Variants in PAH observed in about 807,000 individuals in gnomAD.
PAH encodes the protein phenylalanine hydroxylase.
In PAH, 64 loss-of-function variants were observed where a neutral mutation model predicts 62.0. The observed-to-expected ratio is 1.03, with a 90% CI of 0.84 to 1.27. The LOEUF (loss-of-function observed/expected upper bound fraction) is 1.27, where lower values mean the gene tolerates loss of function less well. Ranked by LOEUF, PAH falls within the 50% of genes most tolerant of loss-of-function variation. PAH has a pLI of 0.00. For missense variants in PAH, 579 were observed against 542.8 expected (o/e 1.07, Z -0.66); for synonymous variants, 195 against 196.2 (o/e 0.99, Z 0.05).
At chr12:102,851,125 C>CTT (rs368141798) in intron 8 of PAH, among the ~76,000 whole-genome samples, 1 of 149,172 alleles carries the variant, frequency 6.7e-6, no homozygotes. Flanking sequence ...AAAAAGAAAG[C>CTT]TTTTTTTTGA....
chr12:102,876,364 C>G (rs1876564014), intron 4 of PAH, among the ~76,000 whole-genome samples: 1 of 152,186 alleles, frequency 6.6e-6, no homozygotes, highest in African/African-American at 2.4e-5. Context: ...CTTCAGGCAC[C>G]ATGAGCTCTC....
upstream of PAH, among the ~76,000 whole-genome samples, chr12:102,918,901 A>G (rs1259367858): frequency 6.6e-6 from 1 of 152,184 alleles, no homozygotes; most frequent in East Asian, 1.9e-4. Flanking sequence ...TACAAACATA[A>G]TTTCATCCCT....
chr12:102,944,655 T>C (rs1010811985), intron 1 of PAH, among the ~76,000 whole-genome samples: 1 of 152,260 alleles, frequency 6.6e-6, no homozygotes, highest in African/African-American at 2.4e-5. Flanking sequence ...ATTCCTTCTC[T>C]ATGTTATCTT....
At chr12:102,938,625 GCT>G (rs1427906191) in intron 1 of PAH, among the ~76,000 whole-genome samples, 1 of 152,126 alleles carries the variant, frequency 6.6e-6, no homozygotes, top group Non-Finnish European at 1.5e-5. Context: ...GCCAGTAGCA[GCT>G]CTGCATTTCT....
At chr12:102,907,237 T>A (rs946607882) in intron 2 of PAH, among the ~76,000 whole-genome samples, 1 of 152,178 alleles carries the variant, frequency 6.6e-6, no homozygotes, top group African/African-American at 2.4e-5. Flanking sequence ...TTTTGCCCCC[T>A]CACCCCAAGA....
chr12:102,837,219 T>C lies in PAH; in HGVS notation c.*1956A>G, dbSNP rs1478556007. On this transcript the variant is annotated 3_prime_UTR_variant, in exon 13 of 13. Coordinates refer to ENST00000553106, the MANE Select transcript of PAH (RefSeq NM_000277.3). ...AAGAGCTAAGAACTGAGTAGCACAT[T>C]ACCAAAAATACAAATATTATCTTTC... The C allele has an allele frequency of 1.3e-5, 2 of 152,212 alleles. 1 individual carries two copies. Among genetic ancestry groups the C allele is most frequent in the Non-Finnish European group, 2.9e-5 (2 of 68,022 alleles). The allele number at this position is 152,212 out of a possible 1,614,324, so 9.4% of individuals were successfully genotyped here.
At chr12:102,925,404 T>C (rs1355839339) in intron 1 of PAH, among the ~76,000 whole-genome samples, 1 of 152,192 alleles carries the variant, frequency 6.6e-6, no homozygotes. Context: ...TCAGCAGCCT[T>C]AGACTGCTGA....
At chr12:102,927,284 T>C (rs960786269) in intron 1 of PAH, among the ~76,000 whole-genome samples, 3 of 144,082 alleles carry the variant, frequency 2.1e-5, no homozygotes, top group African/African-American at 8.7e-5. Flanking sequence ...AAAAAAGTTT[T>C]TTTTTTTTTT....
At chr12:102,945,697 G>T (rs1277483601) in intron 1 of PAH, among the ~76,000 whole-genome samples, 1 of 152,150 alleles carries the variant, frequency 6.6e-6, no homozygotes, top group Non-Finnish European at 1.5e-5. Flanking sequence ...CTTCAGAGGA[G>T]TGGGCCCCCT....
chr12:102,889,115 G>A lies in PAH; in HGVS notation c.352+5620C>T, dbSNP rs1877159961. Among the ~76,000 whole-genome samples, 3 of 152,022 alleles carry A rather than the reference G, an allele frequency of 2.0e-5. No individual in the cohort carries two copies. In the South Asian group the frequency reaches 6.2e-4, roughly 32 times the overall value. On this transcript the variant is annotated intron_variant, in intron 3 of 12. Transcript: ENST00000553106. ...TCTCTAAAAATTCTTAACTCTTTGG[G>A]AACCATAGCCCCTTTGAAAAATCTT...
chr12:102,943,432 A>G (rs963156810), intron 1 of PAH, among the ~76,000 whole-genome samples: 1 of 152,162 alleles, frequency 6.6e-6, no homozygotes, highest in African/African-American at 2.4e-5. Context: ...GATGTTGGTG[A>G]GGTTGTGGAG....
intron 6 of PAH, 136 bp from the exon 7 acceptor site, chr12:102,853,086 G>C: frequency 1.1e-6 from 1 of 905,402 alleles, no homozygotes; most frequent in South Asian, 1.4e-5. Flanking sequence ...CTTGGCTTCA[G>C]ATGTCTGCCT....
intron 4 of PAH, among the ~76,000 whole-genome samples, chr12:102,867,591 T>C (rs1876032858): frequency 6.6e-6 from 1 of 152,156 alleles, no homozygotes; most frequent in African/African-American, 2.4e-5. Context: ...TCCAAGCCTT[T>C]CCCAGTAAGC....
At chr12:102,952,968 T>C (rs1879812773), upstream of PAH, among the ~76,000 whole-genome samples, 3 of 152,168 alleles carry the variant, frequency 2.0e-5, no homozygotes, top group Admixed American at 2.0e-4. Context: ...CTTTCTGAAA[T>C]TACCTTGGGT....
At chr12:102,883,015 T>C (rs892865615) in intron 3 of PAH, among the ~76,000 whole-genome samples, 23 of 151,924 alleles carry the variant, frequency 1.5e-4, no homozygotes, top group Non-Finnish European at 2.9e-5. Flanking sequence ...GAACAGAGAT[T>C]GGGATCAGGA....
intron 1 of PAH, among the ~76,000 whole-genome samples, chr12:102,926,400 A>G (rs1878684347): frequency 6.6e-6 from 1 of 152,066 alleles, no homozygotes; most frequent in African/African-American, 2.4e-5. Context: ...AGGAGCATAC[A>G]TAAGCCAGTT....
chr12:102,924,430 A>G (rs907129639), intron 1 of PAH, among the ~76,000 whole-genome samples: 1 of 152,190 alleles, frequency 6.6e-6, no homozygotes, highest in African/African-American at 2.4e-5. Flanking sequence ...AATTTAACAA[A>G]TGGAGATGTT....
intron 11 of PAH, among the ~76,000 whole-genome samples, chr12:102,841,502 C>T (rs1430045172): frequency 3.3e-5 from 5 of 152,116 alleles, no homozygotes; most frequent in African/African-American, 4.8e-5. Flanking sequence ...GGGGACCACT[C>T]TTCTGTACCC....
At chr12:102,955,410 C>A (rs1825175746), upstream of PAH, among the ~76,000 whole-genome samples, 1 of 152,154 alleles carries the variant, frequency 6.6e-6, no homozygotes, top group Non-Finnish European at 1.5e-5. Context: ...TATAAGGCAC[C>A]ATTGTGGTAG....
Sources: allele counts gnomAD v4.1 joint callset (sites outside exome capture counted in the v4.1 genomes callset), GRCh38; gene constraint gnomAD v4.1.1; transcripts MANE v1.5; gene names NCBI Gene and HGNC (gene_info 2026-07-23, HGNC 2026-07-21).